The following NLGN1 variants were observed in gnomAD, a reference collection of about 807,000 sequenced individuals.
The protein encoded by NLGN1 is neuroligin 1, also known as neuroligin-1.
In NLGN1, 12 loss-of-function variants were observed where a neutral mutation model predicts 65.5. That is an observed-to-expected ratio of 0.18 (90% CI 0.12 to 0.30). The LOEUF is 0.30. Among genes scored for constraint, NLGN1 ranks in the 10% least tolerant of loss-of-function variants. NLGN1 has a pLI of 1.00. For synonymous variants in NLGN1, 350 were observed against 359.5 expected (o/e 0.97, Z 0.30); for missense variants, 750 against 1,007.1 (o/e 0.74, Z 3.46).
intron 4 of NLGN1, among the ~76,000 whole-genome samples, chr3:173,950,039 C>A (rs1047276424): frequency 2.0e-5 from 3 of 152,100 alleles, no homozygotes; most frequent in Non-Finnish European, 4.4e-5. Context: ...ACCACACGAT[C>A]ACTTTATAAT....
chr3:173,695,902 C>G (rs180986490), intron 3 of NLGN1, among the ~76,000 whole-genome samples: 1 of 152,338 alleles, frequency 6.6e-6, no homozygotes, highest in Non-Finnish European at 1.5e-5. Flanking sequence ...CCTCGACCTC[C>G]TGGGCTTAAG....
intron 3 of NLGN1, among the ~76,000 whole-genome samples, chr3:173,676,161 G>A (rs750759546): frequency 6.6e-6 from 1 of 151,956 alleles, no homozygotes; most frequent in Non-Finnish European, 1.5e-5. Context: ...TATAGCAAAA[G>A]GAAACTAGAA....
intron 4 of NLGN1, among the ~76,000 whole-genome samples, chr3:173,935,613 C>G (rs889197673): frequency 5.2e-5 from 6 of 115,480 alleles, no homozygotes; most frequent in Non-Finnish European, 1.2e-4. Flanking sequence ...CACACACACA[C>G]ACACACACAC....
At chr3:173,512,604 C>T (rs1733161173) in intron 2 of NLGN1, among the ~76,000 whole-genome samples, 1 of 152,074 alleles carries the variant, frequency 6.6e-6, no homozygotes, top group South Asian at 2.1e-4. Context: ...AGGAAACATT[C>T]GATTGATAAA....
chr3:173,566,009 T>C (rs1438229769), intron 2 of NLGN1, among the ~76,000 whole-genome samples: 1 of 152,156 alleles, frequency 6.6e-6, no homozygotes, highest in Non-Finnish European at 1.5e-5. Flanking sequence ...AAACTCAAAG[T>C]AAGTAAAATT....
intron 4 of NLGN1, among the ~76,000 whole-genome samples, chr3:174,115,675 A>G (rs1305441610): frequency 6.6e-6 from 1 of 152,152 alleles, no homozygotes; most frequent in African/African-American, 2.4e-5. Flanking sequence ...CCAAAAGACT[A>G]TGTAGAGATA....
chr3:173,564,078 C>T (rs1308815248), intron 2 of NLGN1, among the ~76,000 whole-genome samples: 1 of 152,212 alleles, frequency 6.6e-6, no homozygotes, highest in African/African-American at 2.4e-5. Context: ...CCTTTCCCTG[C>T]TCTAGCCACA....
At chr3:174,281,425 A>G (rs1039696640) in exon 7 of NLGN1, 25 of 674,842 alleles carry the variant, frequency 3.7e-5, no homozygotes, top group Middle Eastern at 2.5e-4. Context: ...GTGAATATAC[A>G]TATCAAGAAC....
intron 3 of NLGN1, among the ~76,000 whole-genome samples, chr3:173,725,266 G>T (rs2150025788): frequency 6.6e-6 from 1 of 152,244 alleles, no homozygotes; most frequent in Middle Eastern, 3.4e-3. Flanking sequence ...ATTATTTAAT[G>T]TAACTTTATT....
At position 174,230,805 on chromosome 3, in the gene NLGN1, A is replaced by T. The variant is rs570410832; in HGVS notation, c.647-44510A>T. Among the ~76,000 whole-genome samples the T allele has an allele frequency of 2.7e-4, 41 of 152,312 alleles. 1 individual carries two copies. The highest frequency in any genetic ancestry group is 3.4e-3 in the Middle Eastern group (1 of 294). On this transcript the variant is annotated intron_variant, in intron 4 of 6. Transcript: ENST00000457714. ...TTTAAAAAAAATAGAGAAATAAATT[A>T]AAAAATTATAGTACATTTATAAGAG...
chr3:173,449,312 C>A (rs915326225), intron 2 of NLGN1, among the ~76,000 whole-genome samples: 1 of 152,016 alleles, frequency 6.6e-6, no homozygotes, highest in South Asian at 2.1e-4. Flanking sequence ...GCCTTCATTT[C>A]ATTATGTACG....
chr3:173,682,796 T>G (rs1764133110), intron 3 of NLGN1, among the ~76,000 whole-genome samples: 1 of 152,008 alleles, frequency 6.6e-6, no homozygotes, highest in African/African-American at 2.4e-5. Flanking sequence ...CAGGCATAAA[T>G]GGGTCAAGTC....
intron 4 of NLGN1, among the ~76,000 whole-genome samples, chr3:174,197,536 AAG>A (rs1491193063): frequency 7.3e-4 from 111 of 151,344 alleles, no homozygotes; most frequent in Non-Finnish European, 1.1e-3. Flanking sequence ...AAAAAAAAAA[AAG>A]GAGAATCCAG....
intron 4 of NLGN1, among the ~76,000 whole-genome samples, chr3:174,150,494 A>C (rs866931171): frequency 3.9e-4 from 60 of 152,136 alleles, no homozygotes; most frequent in Admixed American, 1.3e-3. Flanking sequence ...TTGCCAAATG[A>C]ATCCTATAGA....
chr3:173,805,864 C>G (rs918670467), intron 3 of NLGN1, among the ~76,000 whole-genome samples: 2 of 152,182 alleles, frequency 1.3e-5, no homozygotes, highest in South Asian at 4.1e-4. Context: ...GTTTAACAAT[C>G]TCAAAAGGAT....
intron 4 of NLGN1, among the ~76,000 whole-genome samples, chr3:173,813,214 C>T (rs934269068): frequency 6.6e-6 from 1 of 152,038 alleles, no homozygotes; most frequent in Non-Finnish European, 1.5e-5. Context: ...TCAAGTGGTA[C>T]AATGTTTTGT....
chr3:173,568,970 C>T (rs1490206218), intron 2 of NLGN1, among the ~76,000 whole-genome samples: 4 of 152,146 alleles, frequency 2.6e-5, no homozygotes, highest in Non-Finnish European at 4.4e-5. Flanking sequence ...AATCACCGCG[C>T]CTGGCCTAGG....
intron 2 of NLGN1, among the ~76,000 whole-genome samples, chr3:173,435,873 A>G (rs1577446596): frequency 6.6e-6 from 1 of 152,182 alleles, no homozygotes; most frequent in South Asian, 2.1e-4. Flanking sequence ...GTAAAAGTCT[A>G]TACGATGCAT....
At chr3:173,714,789 G>A (rs1484384528) in intron 3 of NLGN1, among the ~76,000 whole-genome samples, 2 of 152,084 alleles carry the variant, frequency 1.3e-5, no homozygotes, top group Admixed American at 6.6e-5. Context: ...GGAGAAAAAT[G>A]TATGGGTCAG....
Sources: gnomAD v4.1 joint callset for allele counts (sites outside exome capture counted in the v4.1 genomes callset) on GRCh38, gnomAD v4.1.1 for gene constraint, MANE v1.5 for transcripts, NCBI Gene and HGNC (gene_info 2026-07-23, HGNC 2026-07-21) for gene names.